The following NUDT1 variants were observed in gnomAD, a reference collection of about 807,000 sequenced individuals.
NUDT1 encodes the protein oxidized purine nucleoside triphosphate hydrolase.
NUDT1 carries 16 observed loss-of-function variants against 11.3 expected under a neutral mutation model. That is an observed-to-expected ratio of 1.41 (90% confidence interval 0.96 to 2.15). NUDT1 has a LOEUF of 2.15. Ranked by LOEUF, NUDT1 falls within the 30% of genes most tolerant of loss-of-function variation. The pLI is 0.00. For missense variants in NUDT1, 234 were observed against 208.4 expected (o/e 1.12, Z -0.76); for synonymous variants, 101 against 84.4 (o/e 1.20, Z -1.08).
At chr7:2,246,067 G>A (rs1285329902) in intron 2 of NUDT1, among the ~76,000 whole-genome samples, 2 of 152,192 alleles carry the variant, frequency 1.3e-5, no homozygotes, top group East Asian at 3.9e-4. Flanking sequence ...GGCATACAGC[G>A]TGTCCCTGCC....
intron 1 of NUDT1, 30 bp downstream of exon 1, chr7:2,242,286 A>C (rs1467173616): frequency 3.9e-6 from 4 of 1,037,906 alleles, no homozygotes; most frequent in East Asian, 6.2e-5. Context: ...GGATTCCAGG[A>C]GTCGTGGTGA....
chr7:2,249,411 G>GT (rs886101708), intron 2 of NUDT1: 4 of 233,980 alleles, frequency 1.7e-5, no homozygotes, highest in Non-Finnish European at 2.6e-5. Context: ...CCCGGCGGTC[G>GT]TAACTACCGC....
intron 1 of NUDT1, among the ~76,000 whole-genome samples, chr7:2,244,298 G>A (rs1468587943): frequency 6.6e-6 from 1 of 152,174 alleles, no homozygotes; most frequent in East Asian, 1.9e-4. Context: ...GTACTGACTT[G>A]TGGAGAAGGA....
intron 1 of NUDT1, 112 bp from the exon 2 acceptor site, chr7:2,244,451 T>TGGCCCCCCCCCCC: frequency 1.0e-6 from 1 of 981,626 alleles, no homozygotes; most frequent in Non-Finnish European, 1.5e-6. Flanking sequence ...AGTTACAGCA[T>TGGCCCCCCCCCCC]ACCCCCCCGC....
intron 1 of NUDT1, 131 bp downstream of exon 1, chr7:2,242,387 G>A (rs943714458): frequency 1.3e-5 from 7 of 520,032 alleles, no homozygotes; most frequent in Non-Finnish European, 2.4e-5. Context: ...GCTCGAAGGA[G>A]ACCAGAAGAG....
Position 2,244,551 on chromosome 7 carries a change from C to T in NUDT1, c.-12-12C>T. Reference sequence around the variant, plus strand: ...CGTCATGGCTGACTCTGCCCTCTCACCTTCCTTTCAGAACCCAGGGACCAT... The same window carrying T: ...CGTCATGGCTGACTCTGCCCTCTCATCTTCCTTTCAGAACCCAGGGACCAT... On this transcript the variant is annotated splice_polypyrimidine_tract_variant and intron_variant, in intron 1 of 3. Transcript: ENST00000356714. 1 of 1,538,006 alleles carries T rather than the reference C, an allele frequency of 6.5e-7. No homozygotes were observed. Among genetic ancestry groups the T allele is most frequent in the Non-Finnish European group, 8.8e-7 (1 of 1,141,396 alleles).
Position 2,245,325 on chromosome 7 carries a change from C to T in NUDT1, c.152+599C>T, listed in dbSNP as rs548469489. Among the ~76,000 whole-genome samples the T allele has an allele frequency of 2.8e-3, 426 of 152,254 alleles. 2 individuals are homozygous for T. Among genetic ancestry groups the T allele is most frequent in the African/African-American group, 0.01 (417 of 41,558 alleles). Reference sequence around the variant, plus strand: ...ACATCGCTGCACAGACGTTAGCCCCCGTTCGTGTTTTTGTTCTGAGAAAGG... The same window carrying T: ...ACATCGCTGCACAGACGTTAGCCCCTGTTCGTGTTTTTGTTCTGAGAAAGG... On this transcript the variant is annotated intron_variant, in intron 2 of 3. Coordinates refer to ENST00000356714, the MANE Select transcript of NUDT1 (RefSeq NM_002452.4).
intron 1 of NUDT1, chr7:2,243,018 G>T (rs746510534): frequency 1.4e-6 from 1 of 717,132 alleles, no homozygotes; most frequent in South Asian, 1.5e-5. Flanking sequence ...CTCAGCAGAT[G>T]GGGGAGCCAG....
chr7:2,243,097 G>T, intron 1 of NUDT1: 1 of 692,764 alleles, frequency 1.4e-6, no homozygotes, highest in South Asian at 1.5e-5. Context: ...GCTCTCCTCT[G>T]ACCGCCCCTG....
intron 1 of NUDT1, among the ~76,000 whole-genome samples, chr7:2,244,012 C>T (rs934912372): frequency 3.9e-5 from 6 of 151,980 alleles, no homozygotes; most frequent in Non-Finnish European, 8.8e-5. Context: ...GAGGACTAGC[C>T]GGGCCTGGCT....
chr7:2,250,895 A>G lies in NUDT1; in HGVS notation c.365A>G (p.Tyr122Cys). The change falls in exon 4 of 4, where the codon TAC becomes TGC. Residue 122 changes from tyrosine to cysteine, a missense_variant. Physicochemically the swap from Tyr to Cys is radical, Grantham distance 194. Transcript: ENST00000356714. ...PFKDMWPDDSYWFPLLLQKKK... is the reference protein window; with the variant it reads ...PFKDMWPDDSCWFPLLLQKKK... ...AAGGACATGTGGCCCGACGACAGCT[A>G]CTGGTTTCCACTCCTGCTTCAGAAG... is the stretch of plus-strand genomic sequence containing the variant. 6.2e-7 allele frequency: 1 copy of G among 1,614,184 alleles called. No homozygotes were observed. The highest frequency in any genetic ancestry group is 8.5e-7 in the Non-Finnish European group (1 of 1,180,028).
chr7:2,246,596 G>A (rs961341460), intron 2 of NUDT1, among the ~76,000 whole-genome samples: 1 of 152,226 alleles, frequency 6.6e-6, no homozygotes, highest in Admixed American at 6.5e-5. Context: ...CCCCTCGGCA[G>A]CCCTGCTTTA....
intron 3 of NUDT1, among the ~76,000 whole-genome samples, 181 bp from the exon 4 acceptor site, chr7:2,250,648 C>T (rs1332989762): frequency 3.4e-5 from 5 of 146,208 alleles, no homozygotes; most frequent in Non-Finnish European, 6.1e-5. Flanking sequence ...TTAGTAGAGA[C>T]GGGGTTTCAC....
At position 2,250,873 on chromosome 7, in the gene NUDT1, G is replaced by T; in HGVS notation, c.343G>T (p.Asp115Tyr). 3 of 1,614,156 alleles carry T rather than the reference G, an allele frequency of 1.9e-6. No individual in the cohort carries two copies. The highest frequency in any genetic ancestry group is 2.2e-5 in the South Asian group (2 of 91,082). ...WFQLDQIPFK[D>Y]MWPDDSYWFP... ...CCAGCTGGATCAGATCCCCTTCAAGGACATGTGGCCCGACGACAGCTACTG... is the reference window on the plus strand; with the variant it reads ...CCAGCTGGATCAGATCCCCTTCAAGTACATGTGGCCCGACGACAGCTACTG... Residue 115 changes from aspartate (D) to tyrosine (Y), a missense_variant, in exon 4 of 4, where the codon GAC becomes TAC. By Grantham distance (160) the Asp-to-Tyr change is radical. Coordinates refer to ENST00000356714, the MANE Select transcript of NUDT1 (RefSeq NM_002452.4).
intron 2 of NUDT1, among the ~76,000 whole-genome samples, chr7:2,248,547 CTTT>C (rs11393832): frequency 1.2e-4 from 15 of 122,574 alleles, no homozygotes; most frequent in Admixed American, 3.3e-4. Flanking sequence ...ATGATGTTTG[CTTT>C]TTTTTTTTTT....
intron 3 of NUDT1, 137 bp from the exon 4 acceptor site, chr7:2,250,692 T>C (rs1794975966): frequency 3.1e-6 from 2 of 639,990 alleles, no homozygotes; most frequent in African/African-American, 3.5e-5. Flanking sequence ...TCTCCTGACC[T>C]CGTGATCCTC....
chr7:2,244,418 A>C, intron 1 of NUDT1, 145 bp from the exon 2 acceptor site: 1 of 758,478 alleles, frequency 1.3e-6, no homozygotes. Context: ...CCACAAGGGA[A>C]GCCACACGTG....
chr7:2,243,821 G>A (rs921274135), intron 1 of NUDT1, among the ~76,000 whole-genome samples: 1 of 152,206 alleles, frequency 6.6e-6, no homozygotes, highest in Non-Finnish European at 1.5e-5. Context: ...TTTCTCCAGG[G>A]TCCTTTTTTC....
chr7:2,243,074 C>G (rs1434623553), intron 1 of NUDT1: 1 of 713,592 alleles, frequency 1.4e-6, no homozygotes, highest in Non-Finnish European at 2.6e-6. Context: ...AGTCGGGCTG[C>G]TGAGCAGCCT....
Sources: gnomAD v4.1 joint callset for allele counts (sites outside exome capture counted in the v4.1 genomes callset) on GRCh38, gnomAD v4.1.1 for gene constraint, MANE v1.5 for transcripts, NCBI Gene and HGNC (gene_info 2026-07-23, HGNC 2026-07-21) for gene names.